Variants in CADM2 observed in about 807,000 individuals in gnomAD.
The protein encoded by CADM2 is cell adhesion molecule 2.
A neutral mutation model predicts 49.8 loss-of-function variants in CADM2; 12 were observed. That is an observed-to-expected ratio of 0.24 (90% CI 0.15 to 0.39). CADM2 has a LOEUF of 0.39. Ranked by LOEUF, CADM2 falls within the 10% of genes least tolerant of loss-of-function variation. CADM2 has a pLI of 1.00. For missense variants in CADM2, 378 were observed against 492.3 expected (o/e 0.77, Z 2.20); for synonymous variants, 214 against 175.4 (o/e 1.22, Z -1.74).
chr3:85,779,293 A>G (rs533664012), intron 2 of CADM2, among the ~76,000 whole-genome samples: 2 of 152,256 alleles, frequency 1.3e-5, no homozygotes, highest in South Asian at 4.1e-4. Context: ...GCTACTCTTT[A>G]AAACAATCTT....
At chr3:85,307,262 T>C (rs2044236448) in intron 1 of CADM2, among the ~76,000 whole-genome samples, 1 of 151,750 alleles carries the variant, frequency 6.6e-6, no homozygotes, top group Middle Eastern at 3.4e-3. Context: ...TGTGTTATGC[T>C]TGGTCATATT....
intron 1 of CADM2, among the ~76,000 whole-genome samples, chr3:84,970,252 A>T (rs1388788383): frequency 7.0e-6 from 1 of 143,588 alleles, no homozygotes; most frequent in Non-Finnish European, 1.5e-5. Context: ...TTGATGACAC[A>T]TATATGCTGT....
chr3:85,365,182 G>GATTTTTTTTTTTTTTATTTTT (rs1559802006), intron 1 of CADM2, among the ~76,000 whole-genome samples: 1 of 100,584 alleles, frequency 9.9e-6, no homozygotes, highest in Non-Finnish European at 2.0e-5. Flanking sequence ...AATTGGGAGG[G>GATTTTTTTTTTTTTTATTTTT]TTTTTTTTTT....
intron 8 of CADM2, among the ~76,000 whole-genome samples, chr3:86,003,539 G>A (rs79233583): frequency 0.073 from 11,037 of 152,068 alleles, 634 homozygotes; most frequent in East Asian, 0.21. Flanking sequence ...TGCTGTGAGC[G>A]TAATTAATAA....
At chr3:85,428,839 C>A (rs1298939393) in intron 1 of CADM2, among the ~76,000 whole-genome samples, 6 of 151,230 alleles carry the variant, frequency 4.0e-5, no homozygotes, top group Non-Finnish European at 4.4e-5. Context: ...ACTCTTTTGC[C>A]TCTTTAGGTT....
At chr3:85,316,058 A>G (rs558199035) in intron 1 of CADM2, among the ~76,000 whole-genome samples, 1 of 152,234 alleles carries the variant, frequency 6.6e-6, no homozygotes, top group East Asian at 1.9e-4. Flanking sequence ...AGTAATCCAT[A>G]TTAGTTTTTA....
chr3:85,354,552 A>T (rs757575858), intron 1 of CADM2, among the ~76,000 whole-genome samples: 3 of 150,538 alleles, frequency 2.0e-5, no homozygotes, highest in Non-Finnish European at 4.4e-5. Context: ...AATAAAGTGT[A>T]AATGCATATG....
intron 1 of CADM2, among the ~76,000 whole-genome samples, chr3:85,314,637 A>T (rs995170941): frequency 1.3e-5 from 2 of 152,142 alleles, no homozygotes; most frequent in Admixed American, 1.3e-4. Flanking sequence ...TGTTTCTTTA[A>T]TGATACCTCT....
At chr3:85,074,442 ACT>A (rs1234133197) in intron 1 of CADM2, among the ~76,000 whole-genome samples, 1 of 151,300 alleles carries the variant, frequency 6.6e-6, no homozygotes. Context: ...AATAAATGAT[ACT>A]CTCTCCCTCC....
intron 1 of CADM2, among the ~76,000 whole-genome samples, chr3:85,217,757 T>C (rs973029415): frequency 2.6e-5 from 4 of 152,070 alleles, no homozygotes; most frequent in Non-Finnish European, 5.9e-5. Flanking sequence ...CTCAATTTTC[T>C]TAAACCCCAT....
At chr3:85,436,231 A>G (rs1375548609) in intron 1 of CADM2, among the ~76,000 whole-genome samples, 1 of 152,042 alleles carries the variant, frequency 6.6e-6, no homozygotes, top group East Asian at 1.9e-4. Flanking sequence ...TTTATCTATT[A>G]TTGGTGTATA....
At chr3:86,001,509 T>C (rs949095785) in intron 8 of CADM2, among the ~76,000 whole-genome samples, 3 of 152,086 alleles carry the variant, frequency 2.0e-5, no homozygotes, top group African/African-American at 4.8e-5. Flanking sequence ...TGAGAAGATA[T>C]AGGATTATGA....
chr3:84,979,979 TTTGTG>T (rs2032069563), intron 1 of CADM2, among the ~76,000 whole-genome samples: 1 of 152,170 alleles, frequency 6.6e-6, no homozygotes, highest in Non-Finnish European at 1.5e-5. Flanking sequence ...TTAAATAGAA[TTTGTG>T]TTAAGAAAGC....
At chr3:85,647,093 G>A (rs1191995644) in intron 1 of CADM2, among the ~76,000 whole-genome samples, 1 of 151,738 alleles carries the variant, frequency 6.6e-6, no homozygotes, top group Non-Finnish European at 1.5e-5. Context: ...TAATGTGAGA[G>A]GAATTTAATT....
intron 1 of CADM2, among the ~76,000 whole-genome samples, chr3:85,299,876 GTA>G (rs1322343977): frequency 6.6e-6 from 1 of 152,018 alleles, no homozygotes; most frequent in African/African-American, 2.4e-5. Context: ...AAAGACTGTG[GTA>G]AACCCTGAGG....
chr3:85,930,396 C>G (rs1720441010), intron 6 of CADM2, among the ~76,000 whole-genome samples: 1 of 152,018 alleles, frequency 6.6e-6, no homozygotes, highest in African/African-American at 2.4e-5. Context: ...GAAATAAGCA[C>G]ATCATGAAGA....
chr3:85,844,328 TA>T (rs763959850), intron 3 of CADM2, among the ~76,000 whole-genome samples: 2 of 152,132 alleles, frequency 1.3e-5, no homozygotes, highest in South Asian at 2.1e-4. Flanking sequence ...TTTGTTATAA[TA>T]TTTTTTTATT....
intron 8 of CADM2, among the ~76,000 whole-genome samples, chr3:85,999,271 T>C (rs28526427): frequency 1.5e-4 from 22 of 143,236 alleles, no homozygotes; most frequent in Admixed American, 3.5e-4. Flanking sequence ...GGCCGAGGGT[T>C]GGGGGGTGGA....
intron 1 of CADM2, among the ~76,000 whole-genome samples, chr3:85,183,090 C>T (rs1207556559): frequency 1.3e-5 from 2 of 152,044 alleles, no homozygotes; most frequent in African/African-American, 4.8e-5. Flanking sequence ...ATCTCCTTTC[C>T]AGATGATGTA....
Sources: allele counts gnomAD v4.1 joint callset (sites outside exome capture counted in the v4.1 genomes callset), GRCh38; gene constraint gnomAD v4.1.1; transcripts MANE v1.5; gene names NCBI Gene and HGNC (gene_info 2026-07-23, HGNC 2026-07-21).